Variants in ERC1 observed in about 807,000 individuals in gnomAD.
ERC1 encodes the protein RAB6 interacting protein 2.
Under a neutral mutation model 132.0 loss-of-function variants are expected in ERC1, and 56 were observed. The ratio of observed to expected loss-of-function variants is 0.42; its 90% CI spans 0.34 to 0.53. ERC1 has a LOEUF of 0.53. Among genes scored for constraint, ERC1 ranks in the 20% least tolerant of loss-of-function variants. The pLI is 0.03. For synonymous variants in ERC1, 478 were observed against 476.1 expected (o/e 1.00, Z -0.05); for missense variants, 1,202 against 1,349.9 (o/e 0.89, Z 1.72).
intron 17 of ERC1, among the ~76,000 whole-genome samples, chr12:1,442,039 G>A (rs187864022): frequency 1.5e-4 from 23 of 151,936 alleles, no homozygotes; most frequent in East Asian, 7.8e-4. Context: ...GCGATTCTCC[G>A]GCCTCAGCCT....
chr12:1,424,874 A>ATAGATAGAT (rs2154401436), intron 17 of ERC1, among the ~76,000 whole-genome samples: 1 of 147,152 alleles, frequency 6.8e-6, no homozygotes, highest in South Asian at 2.1e-4. Flanking sequence ...CGATAGATAG[A>ATAGATAGAT]TAGATAGATA....
chr12:1,457,511 A>G (rs893716377), intron 18 of ERC1, among the ~76,000 whole-genome samples: 25 of 152,314 alleles, frequency 1.6e-4, no homozygotes, highest in African/African-American at 5.8e-4. Flanking sequence ...AGGAGACCGT[A>G]AATATTGCTA....
chr12:1,327,384 T>C (rs1340528909), intron 15 of ERC1, among the ~76,000 whole-genome samples: 1 of 152,200 alleles, frequency 6.6e-6, no homozygotes, highest in Non-Finnish European at 1.5e-5. Flanking sequence ...TACAGTAGGA[T>C]TTAGAGGTCT....
chr12:1,232,451 A>C (rs1257878469), intron 12 of ERC1, among the ~76,000 whole-genome samples: 1 of 152,164 alleles, frequency 6.6e-6, no homozygotes, highest in Non-Finnish European at 1.5e-5. Flanking sequence ...TCATTCATTT[A>C]ATGCTGCATC....
intron 15 of ERC1, among the ~76,000 whole-genome samples, chr12:1,340,904 ACT>A (rs1263374949): frequency 6.6e-6 from 1 of 151,324 alleles, no homozygotes; most frequent in Non-Finnish European, 1.5e-5. Flanking sequence ...CCAGCCTAGT[ACT>A]CTCTTTTAAG....
chr12:1,373,598 G>A (rs1325598697), intron 16 of ERC1, among the ~76,000 whole-genome samples: 3 of 152,190 alleles, frequency 2.0e-5, no homozygotes, highest in Non-Finnish European at 4.4e-5. Context: ...TGGCCAACAT[G>A]GTGAAACCCC....
chr12:1,202,062 T>G (rs958618526), intron 12 of ERC1, among the ~76,000 whole-genome samples: 2 of 152,230 alleles, frequency 1.3e-5, no homozygotes, highest in African/African-American at 2.4e-5. Context: ...TGACTGGTTC[T>G]TTATCTGATC....
At chr12:1,308,624 C>CA (rs1159920247) in intron 15 of ERC1, among the ~76,000 whole-genome samples, 1 of 151,904 alleles carries the variant, frequency 6.6e-6, no homozygotes, top group Non-Finnish European at 1.5e-5. Flanking sequence ...GTAATCATGT[C>CA]AAAAAATAAT....
intron 8 of ERC1, among the ~76,000 whole-genome samples, chr12:1,179,513 T>A (rs1954133411): frequency 7.1e-6 from 1 of 140,460 alleles, no homozygotes; most frequent in South Asian, 2.4e-4. Flanking sequence ...TTTTTTTTTT[T>A]TTTTTTTTTT....
intron 13 of ERC1, among the ~76,000 whole-genome samples, chr12:1,247,644 G>A (rs1262574218): frequency 1.3e-5 from 2 of 152,146 alleles, no homozygotes; most frequent in Non-Finnish European, 2.9e-5. Flanking sequence ...CTGAATTTAG[G>A]AATGCAGATA....
intron 4 of ERC1, 34 bp from the exon 5 acceptor site, chr12:1,110,158 A>G (rs1249822580): frequency 6.5e-7 from 1 of 1,545,052 alleles, no homozygotes; most frequent in Non-Finnish European, 8.7e-7. Context: ...GTTTTTGTGA[A>G]TACTTCAATC....
chr12:1,379,486 C>T (rs2088364046), intron 16 of ERC1, among the ~76,000 whole-genome samples: 3 of 152,338 alleles, frequency 2.0e-5, no homozygotes, highest in African/African-American at 4.8e-5. Flanking sequence ...TTTCCGCCCA[C>T]TACCCAGCTC....
chr12:1,182,105 C>G (rs2968901), intron 10 of ERC1, 40 bp downstream of exon 10: 2 of 1,596,210 alleles, frequency 1.3e-6, no homozygotes, highest in African/African-American at 2.7e-5. Flanking sequence ...TTTGCTTAAT[C>G]ATTGCATGTG....
intron 15 of ERC1, among the ~76,000 whole-genome samples, chr12:1,339,116 G>C (rs554466604): frequency 5.1e-4 from 77 of 151,288 alleles, no homozygotes; most frequent in African/African-American, 1.8e-3. Context: ...CCCCCATGTA[G>C]GCATTCACCG....
intron 1 of ERC1, among the ~76,000 whole-genome samples, chr12:1,019,818 T>C (rs1434470732): frequency 6.6e-6 from 1 of 152,194 alleles, no homozygotes; most frequent in African/African-American, 2.4e-5. Context: ...CATGGCTCAC[T>C]GTAGCCATGA....
At chr12:1,205,610 TA>T (rs1237356730) in intron 12 of ERC1, among the ~76,000 whole-genome samples, 5 of 152,034 alleles carry the variant, frequency 3.3e-5, no homozygotes, top group African/African-American at 1.2e-4. Context: ...AAAGTGTTTG[TA>T]ATAAAAATAG....
intron 17 of ERC1, among the ~76,000 whole-genome samples, chr12:1,418,276 C>T (rs925517355): frequency 6.6e-6 from 1 of 152,160 alleles, no homozygotes. Context: ...GCAGGAAGGT[C>T]TCTCTGACCT....
intron 2 of ERC1, among the ~76,000 whole-genome samples, chr12:1,050,480 G>A (rs919187937): frequency 2.6e-5 from 4 of 152,090 alleles, no homozygotes; most frequent in Non-Finnish European, 4.4e-5. Context: ...TAAAATTTCT[G>A]GATCCCTCCC....
intron 13 of ERC1, among the ~76,000 whole-genome samples, chr12:1,252,169 A>C (rs759827519): frequency 6.6e-6 from 1 of 152,116 alleles, no homozygotes; most frequent in Admixed American, 6.5e-5. Flanking sequence ...TAGGTATTTT[A>C]ACATGTACAA....
Sources: gnomAD v4.1 joint callset for allele counts (sites outside exome capture counted in the v4.1 genomes callset) on GRCh38, gnomAD v4.1.1 for gene constraint, MANE v1.5 for transcripts, NCBI Gene and HGNC (gene_info 2026-07-23, HGNC 2026-07-21) for gene names.